KCNK1: variants seen among roughly 807,000 people sequenced by gnomAD.
KCNK1 encodes the protein potassium channel subfamily K member 1.
A neutral mutation model predicts 22.2 loss-of-function variants in KCNK1; 10 were observed. The ratio of observed to expected loss-of-function variants is 0.45; its 90% CI spans 0.28 to 0.76. The LOEUF is 0.76. KCNK1 is among the 30% of genes least tolerant of loss of function. The probability of loss-of-function intolerance (pLI) is 0.14; values close to 1 mark genes in which losing one functional copy is unlikely to be tolerated. For synonymous variants in KCNK1, 200 were observed against 186.4 expected (o/e 1.07, Z -0.60); for missense variants, 378 against 421.0 (o/e 0.90, Z 0.89).
intron 1 of KCNK1, among the ~76,000 whole-genome samples, chr1:233,625,214 C>T (rs145691574): frequency 1.4e-4 from 21 of 152,238 alleles, no homozygotes; most frequent in South Asian, 4.1e-4. Context: ...TAAGACCAAG[C>T]GGGGAAGCCC....
intron 1 of KCNK1, chr1:233,629,970 T>C (rs1657762932): frequency 4.6e-5 from 7 of 152,302 alleles, no homozygotes; most frequent in Admixed American, 3.9e-4. Flanking sequence ...TGGATGTGTA[T>C]GTGGCAGGGG....
At chr1:233,624,428 ATC>A (rs1657650086) in intron 1 of KCNK1, among the ~76,000 whole-genome samples, 1 of 152,052 alleles carries the variant, frequency 6.6e-6, no homozygotes, top group Non-Finnish European at 1.5e-5. Flanking sequence ...TTCCCGTAAC[ATC>A]TGTCTTCACC....
At chr1:233,628,223 A>G (rs1657723413) in intron 1 of KCNK1, among the ~76,000 whole-genome samples, 1 of 152,212 alleles carries the variant, frequency 6.6e-6, no homozygotes, top group African/African-American at 2.4e-5. Flanking sequence ...GTCATCGGTG[A>G]TATCAGGCTG....
intron 1 of KCNK1, among the ~76,000 whole-genome samples, chr1:233,641,675 C>T (rs1658002083): frequency 6.6e-6 from 1 of 152,060 alleles, no homozygotes; most frequent in South Asian, 2.1e-4. Context: ...CCTCAACCCT[C>T]ATAAGTTCAT....
chr1:233,616,215 A>T (rs1370011956), intron 1 of KCNK1, among the ~76,000 whole-genome samples: 1 of 152,214 alleles, frequency 6.6e-6, no homozygotes, highest in Non-Finnish European at 1.5e-5. Context: ...AATGTTGGGT[A>T]AACATTTCGA....
At chr1:233,670,151 TGGAA>T (rs1180143728) in intron 2 of KCNK1, among the ~76,000 whole-genome samples, 1 of 152,164 alleles carries the variant, frequency 6.6e-6, no homozygotes, top group Non-Finnish European at 1.5e-5. Flanking sequence ...TTTAAAATGA[TGGAA>T]GGAATTTTAA....
chr1:233,617,596 G>A lies in KCNK1; in HGVS notation c.355+3070G>A, dbSNP rs187557992. 2.6e-5 allele frequency among the ~76,000 whole-genome samples: 4 copies of A among 152,272 alleles called. No individual in the cohort carries two copies. In the East Asian group the frequency reaches 7.7e-4, roughly 29 times the overall value. On this transcript the variant is annotated intron_variant, in intron 1 of 2. Transcript: ENST00000366621. ...GTATTTTTAGGACAGTTGTGTAGAC[G>A]AATGATTGGAGAACAAAAGGATATG...
rs1658494255 is a variant in KCNK1 at position 233,666,658 on chromosome 1, T to C, written c.419T>C (p.Ile140Thr). ...GKAFCIIYSV[I>T]GIPFTLLFLT... ...GCCTTCTGCATCATCTACTCCGTCA[T>C]TGGCATTCCCTTCACCCTCCTGTTC... Residue 140 changes from isoleucine to threonine, a missense_variant, in exon 2 of 3, where the codon ATT (isoleucine) becomes ACT (threonine). By Grantham distance (89) the Ile-to-Thr change is moderately conservative. Transcript: ENST00000366621. 5.6e-6 allele frequency: 9 copies of C among 1,614,000 alleles called. No individual in the cohort carries two copies. The highest frequency in any genetic ancestry group is 1.7e-5 in the Admixed American group (1 of 60,000).
intron 1 of KCNK1, among the ~76,000 whole-genome samples, chr1:233,622,719 C>T (rs1011316972): frequency 2.0e-5 from 3 of 152,182 alleles, no homozygotes; most frequent in Non-Finnish European, 4.4e-5. Context: ...TCTCCTTGAA[C>T]TTGAGTCAGA....
intron 2 of KCNK1, among the ~76,000 whole-genome samples, chr1:233,668,759 C>T (rs994890024): frequency 1.3e-5 from 2 of 152,146 alleles, no homozygotes; most frequent in Non-Finnish European, 2.9e-5. Flanking sequence ...GCACCTGCCA[C>T]CACATCCGGC....
intron 1 of KCNK1, among the ~76,000 whole-genome samples, chr1:233,638,544 G>A (rs1657949757): frequency 6.6e-6 from 1 of 152,224 alleles, no homozygotes; most frequent in Admixed American, 6.5e-5. Context: ...CTCTGCAGCA[G>A]CTTTGTGAAG....
intron 1 of KCNK1, 55 bp from the exon 2 acceptor site, chr1:233,666,540 G>T (rs1045541847): frequency 2.6e-6 from 4 of 1,520,434 alleles, no homozygotes; most frequent in Non-Finnish European, 3.6e-6. Flanking sequence ...GTTTAAAAAC[G>T]TGTTTGCCAC....
At chr1:233,629,615 G>T (rs2102887324) in intron 1 of KCNK1, 1 of 152,266 alleles carries the variant, frequency 6.6e-6, no homozygotes, top group South Asian at 2.1e-4. Flanking sequence ...GTGATAAATA[G>T]CCTGTCCTGC....
Position 233,671,518 on chromosome 1 carries a change from T to G in KCNK1, c.999T>G (p.Pro333=). ...ATQSSACVDG[P]ANH ...AGTCATCTGCCTGCGTGGATGGCCCTGCAAACCATTGAGCGTAGGATTTGT... is the reference window on the plus strand; with the variant it reads ...AGTCATCTGCCTGCGTGGATGGCCCGGCAAACCATTGAGCGTAGGATTTGT... Residue 333 remains proline (P), a synonymous_variant, in exon 3 of 3, where the codon CCT becomes CCG. Coordinates refer to ENST00000366621, the MANE Select transcript of KCNK1 (RefSeq NM_002245.4). 6.2e-7 allele frequency: 1 copy of G among 1,614,038 alleles called. No homozygotes were observed. The highest frequency in any genetic ancestry group is 8.5e-7 in the Non-Finnish European group (1 of 1,180,026).
chr1:233,634,139 C>G (rs954090427), intron 1 of KCNK1, among the ~76,000 whole-genome samples: 7 of 152,032 alleles, frequency 4.6e-5, no homozygotes, highest in Admixed American at 3.9e-4. Flanking sequence ...AACCCTGTCT[C>G]TACTAAAAAT....
At chr1:233,618,832 C>G (rs1047253031) in intron 1 of KCNK1, among the ~76,000 whole-genome samples, 42 of 151,918 alleles carry the variant, frequency 2.8e-4, no homozygotes, top group African/African-American at 1.0e-3. Context: ...TGCAGTGAGC[C>G]AAGATTGCAC....
chr1:233,661,135 C>T (rs1658385941), intron 1 of KCNK1, among the ~76,000 whole-genome samples: 1 of 152,204 alleles, frequency 6.6e-6, no homozygotes, highest in African/African-American at 2.4e-5. Context: ...CCGTTTCCCT[C>T]CTTTCCAGAA....
At chr1:233,658,511 A>G (rs564637802) in intron 1 of KCNK1, among the ~76,000 whole-genome samples, 27 of 152,186 alleles carry the variant, frequency 1.8e-4, no homozygotes, top group Non-Finnish European at 3.5e-4. Context: ...TTCCTTATAT[A>G]AGAGACTGTA....
At chr1:233,632,438 T>C (rs1291918816) in intron 1 of KCNK1, among the ~76,000 whole-genome samples, 1 of 152,196 alleles carries the variant, frequency 6.6e-6, no homozygotes, top group Non-Finnish European at 1.5e-5. Context: ...CTAATGAACC[T>C]CAGGGTTCAT....
Sources: allele counts gnomAD v4.1 joint callset (sites outside exome capture counted in the v4.1 genomes callset), GRCh38; gene constraint gnomAD v4.1.1; transcripts MANE v1.5; gene names NCBI Gene and HGNC (gene_info 2026-07-23, HGNC 2026-07-21).